Variants in NRXN1 observed in about 807,000 individuals in gnomAD.
NRXN1 encodes neurexin-1.
In NRXN1, 39 loss-of-function variants were observed where a neutral mutation model predicts 150.9. The ratio of observed to expected loss-of-function variants is 0.26; its 90% CI spans 0.20 to 0.34. The LOEUF (loss-of-function observed/expected upper bound fraction) is 0.34, where lower values mean the gene tolerates loss of function less well. NRXN1 is among the 10% of genes least tolerant of loss of function. The probability of loss-of-function intolerance (pLI) is 1.00; values close to 1 mark genes in which losing one functional copy is unlikely to be tolerated. For synonymous variants in NRXN1, 924 were observed against 757.0 expected (o/e 1.22, Z -3.62); for missense variants, 1,815 against 1,949.9 (o/e 0.93, Z 1.30).
At chr2:50,712,657 C>T (rs1380191390) in intron 5 of NRXN1, among the ~76,000 whole-genome samples, 1 of 152,198 alleles carries the variant, frequency 6.6e-6, no homozygotes, top group African/African-American at 2.4e-5. Flanking sequence ...AGGGTTCTCA[C>T]TTTGCTCCTA....
intron 18 of NRXN1, among the ~76,000 whole-genome samples, chr2:50,197,003 C>T (rs949126429): frequency 4.6e-5 from 7 of 152,220 alleles, no homozygotes; most frequent in African/African-American, 1.7e-4. Flanking sequence ...CAAGAAACCC[C>T]CATGGCTTGA....
chr2:50,933,545 T>C (rs768761423), intron 2 of NRXN1, among the ~76,000 whole-genome samples: 7 of 152,088 alleles, frequency 4.6e-5, no homozygotes, highest in Non-Finnish European at 1.0e-4. Context: ...TATAGGAAAA[T>C]AGTTTGTTCA....
At chr2:50,033,039 T>C (rs867896598) in intron 21 of NRXN1, among the ~76,000 whole-genome samples, 2 of 151,646 alleles carry the variant, frequency 1.3e-5, no homozygotes, top group African/African-American at 2.4e-5. Context: ...CACACATATA[T>C]ATATAATCTT....
Position 50,344,772 on chromosome 2 carries a change from A to T in NRXN1, c.3365-107802T>A, listed in dbSNP as rs113506053. On this transcript the variant is annotated intron_variant, in intron 17 of 22. Coordinates refer to ENST00000401669, the MANE Select transcript of NRXN1 (RefSeq NM_001330078.2). ...TGGTCTTCTCCTCTCCCACGTCCCC[A>T]GCAGCCTTATCCCTCTGGAGAGAGG... Among the ~76,000 whole-genome samples, 645 of 152,284 alleles carry T rather than the reference A, an allele frequency of 4.2e-3. 6 individuals carry two copies. The highest frequency in any genetic ancestry group is 4.2e-3 in the Non-Finnish European group (285 of 68,014).
In NRXN1 at chr2:51,031,987, G is replaced by C. The variant is rs1467275816; in HGVS notation, c.-928C>G. ...CCAAATTGAGCTTCTTTACCTGCCC[G>C]GTTATTCCCCTCAGCTCGAGCCAGA... On this transcript the variant is annotated 5_prime_UTR_variant, in exon 1 of 23. Coordinates refer to ENST00000401669, the MANE Select transcript of NRXN1 (RefSeq NM_001330078.2). 6.6e-6 allele frequency: 1 copy of C among 152,126 alleles called. No individual in the cohort carries two copies. Among genetic ancestry groups the C allele is most frequent in the Non-Finnish European group, 1.5e-5 (1 of 68,084 alleles). 9.4% of individuals were successfully genotyped at this position (152,126 alleles called of 1,614,324 possible). A position where few individuals can be genotyped will look rare whatever the true frequency, so the allele number is the denominator to read the frequency against.
chr2:50,268,787 T>C (rs2069201151), intron 17 of NRXN1, among the ~76,000 whole-genome samples: 1 of 152,236 alleles, frequency 6.6e-6, no homozygotes, highest in Admixed American at 6.5e-5. Flanking sequence ...AGGAACTATG[T>C]CATCCAGATT....
intron 5 of NRXN1, among the ~76,000 whole-genome samples, chr2:50,867,594 G>A (rs67817970): frequency 1.3e-5 from 2 of 151,536 alleles, no homozygotes; most frequent in African/African-American, 4.8e-5. Flanking sequence ...CCATTGGAGA[G>A]ATATGCCTTT....
chr2:49,963,688 C>A (rs1676409782), intron 21 of NRXN1, among the ~76,000 whole-genome samples: 1 of 152,160 alleles, frequency 6.6e-6, no homozygotes, highest in Admixed American at 6.5e-5. Flanking sequence ...TCCCTCTCAC[C>A]CCCATCCTTT....
At chr2:49,926,042 T>C (rs116768778) in intron 22 of NRXN1, among the ~76,000 whole-genome samples, 3,033 of 152,290 alleles carry the variant, frequency 0.02, 110 homozygotes, top group African/African-American at 0.066. Context: ...CTGACAGTGG[T>C]CTACTACAAG....
intron 17 of NRXN1, among the ~76,000 whole-genome samples, chr2:50,344,734 C>T (rs1316762802): frequency 6.6e-6 from 1 of 152,186 alleles, no homozygotes; most frequent in African/African-American, 2.4e-5. Context: ...CCCCACTCTG[C>T]GGCAGGGCCC....
intron 18 of NRXN1, among the ~76,000 whole-genome samples, chr2:50,146,117 G>C (rs548540136): frequency 2.0e-5 from 3 of 151,742 alleles, no homozygotes; most frequent in East Asian, 1.9e-4. Flanking sequence ...GTGTATGAGA[G>C]GAGAGAAGGC....
At chr2:50,393,331 C>T (rs1006287392) in intron 17 of NRXN1, among the ~76,000 whole-genome samples, 22 of 152,036 alleles carry the variant, frequency 1.4e-4, no homozygotes, top group African/African-American at 4.8e-4. Flanking sequence ...GCATTTCTCA[C>T]GGTACCTGGT....
At chr2:50,568,746 A>G (rs1166802293) in intron 8 of NRXN1, among the ~76,000 whole-genome samples, 1 of 152,140 alleles carries the variant, frequency 6.6e-6, no homozygotes, top group Non-Finnish European at 1.5e-5. Flanking sequence ...TTCCTCAAAA[A>G]AACTAAAAAT....
intron 21 of NRXN1, among the ~76,000 whole-genome samples, chr2:49,963,204 T>A (rs1490971121): frequency 6.6e-6 from 1 of 152,166 alleles, no homozygotes; most frequent in Admixed American, 6.5e-5. Context: ...CCTTTTAACG[T>A]CACAGAATTC....
intron 17 of NRXN1, among the ~76,000 whole-genome samples, chr2:50,381,057 G>C (rs541932428): frequency 6.6e-6 from 1 of 152,108 alleles, no homozygotes; most frequent in South Asian, 2.1e-4. Flanking sequence ...TCATAGATAA[G>C]TCTTACTCTA....
chr2:50,278,248 ATATATAT>A (rs1160521928), intron 17 of NRXN1, among the ~76,000 whole-genome samples: 2 of 112,602 alleles, frequency 1.8e-5, no homozygotes, highest in Admixed American at 1.1e-4. Flanking sequence ...TATAATATAT[ATATATAT>A]TATATATATT....
chr2:49,926,006 C>T (rs1037674795), intron 22 of NRXN1, among the ~76,000 whole-genome samples: 11 of 152,138 alleles, frequency 7.2e-5, no homozygotes, highest in Non-Finnish European at 1.5e-4. Context: ...ATAAGGAACT[C>T]GGTTCAATGG....
At chr2:50,914,872 G>GTATC (rs1684994877) in intron 5 of NRXN1, among the ~76,000 whole-genome samples, 1 of 151,604 alleles carries the variant, frequency 6.6e-6, no homozygotes, top group South Asian at 2.1e-4. Flanking sequence ...AATTTATTGA[G>GTATC]TATCTATTTG....
At chr2:49,980,446 T>C (rs913974784) in intron 21 of NRXN1, among the ~76,000 whole-genome samples, 1 of 151,954 alleles carries the variant, frequency 6.6e-6, no homozygotes, top group Non-Finnish European at 1.5e-5. Context: ...TTTAAAAAAA[T>C]AGAAAGGAAA....
Sources: allele counts gnomAD v4.1 joint callset (sites outside exome capture counted in the v4.1 genomes callset), GRCh38; gene constraint gnomAD v4.1.1; transcripts MANE v1.5; gene names NCBI Gene and HGNC (gene_info 2026-07-23, HGNC 2026-07-21).